CUX1: variants seen among roughly 807,000 people sequenced by gnomAD.
The protein encoded by CUX1 is protein CASP.
Under a neutral mutation model 158.8 loss-of-function variants are expected in CUX1, and 31 were observed. That is an observed-to-expected ratio of 0.20 (90% CI 0.15 to 0.26). The LOEUF (loss-of-function observed/expected upper bound fraction) is 0.26, where lower values mean the gene tolerates loss of function less well. Ranked by LOEUF, CUX1 falls within the 10% of genes least tolerant of loss-of-function variation. The pLI, the probability that CUX1 is intolerant of heterozygous loss-of-function variation, is 1.00. For synonymous variants in CUX1, 879 were observed against 862.1 expected, an observed-to-expected ratio of 1.02 and a Z score of -0.34; for missense variants, 1,589 against 2,014.6, an observed-to-expected ratio of 0.79 and a Z score of 4.04.
chr7:102,257,709 C>A lies in CUX1; in HGVS notation c.*8667C>A. The A allele has an allele frequency of 1.0e-6, 1 of 985,246 alleles. No individual in the cohort carries two copies. The highest frequency in any genetic ancestry group is 1.2e-6 in the Non-Finnish European group (1 of 829,846). 61.0% of individuals were successfully genotyped at this position (985,246 alleles called of 1,614,324 possible). On this transcript the variant is annotated 3_prime_UTR_variant, in exon 24 of 24. Coordinates refer to ENST00000292535, the MANE Select transcript of CUX1 (RefSeq NM_181552.4). ...AAACTCTCTATAAGCTCAGCTCCCC[C>A]CACCCCACCCCCACTCTAGCGTTTT...
At position 102,084,623 on chromosome 7, in the gene CUX1, G is replaced by T. The variant is rs532140572; in HGVS notation, c.269-12741G>T. On this transcript the variant is annotated intron_variant, in intron 4 of 23. Transcript: ENST00000292535. ...GATTTTTAGTGGAGACGGGGTTTCA[G>T]CATCTTGGCCAGGCTGGTCTTGAAC... 8.1e-4 allele frequency among the ~76,000 whole-genome samples: 117 copies of T among 143,718 alleles called. 13 individuals carry two copies. Among genetic ancestry groups the T allele is most frequent in the African/African-American group, 1.3e-3 (53 of 40,728 alleles). The allele number at this position is 143,718 out of a possible 152,430, so 94.3% of individuals were successfully genotyped here. A position where few individuals can be genotyped will look rare whatever the true frequency, so the allele number is the denominator to read the frequency against.
At chr7:101,897,257 C>T (rs1054554637) in intron 1 of CUX1, among the ~76,000 whole-genome samples, 12 of 152,198 alleles carry the variant, frequency 7.9e-5, no homozygotes, top group Admixed American at 5.9e-4. Flanking sequence ...TTGACATCCT[C>T]GAAGGCTCAG....
At chr7:102,068,101 GTTTAA>G (rs1825747894) in intron 3 of CUX1, among the ~76,000 whole-genome samples, 1 of 151,410 alleles carries the variant, frequency 6.6e-6, no homozygotes, top group Non-Finnish European at 1.5e-5. Context: ...TGTTGTTGTT[GTTTAA>G]TTTGAGACAT....
chr7:102,041,029 C>A (rs1219355349), intron 3 of CUX1, among the ~76,000 whole-genome samples: 1 of 152,074 alleles, frequency 6.6e-6, no homozygotes, highest in South Asian at 2.1e-4. Flanking sequence ...TGGCTCATGC[C>A]TGTAATACCA....
chr7:102,275,324 G>C (rs1791530505), exon 17 of CUX1: 1 of 1,612,800 alleles, frequency 6.2e-7, no homozygotes. Context: ...CAGCCAGAGG[G>C]AGCGCTTCCG....
chr7:101,937,175 T>C (rs1264532650), intron 2 of CUX1, among the ~76,000 whole-genome samples: 1 of 152,184 alleles, frequency 6.6e-6, no homozygotes. Context: ...GGGGAGTGTG[T>C]GCTGCGTGGC....
chr7:102,121,565 C>G (rs555746265), intron 8 of CUX1, among the ~76,000 whole-genome samples: 24 of 152,244 alleles, frequency 1.6e-4, no homozygotes, highest in Non-Finnish European at 3.5e-4. Flanking sequence ...AGGCTGGTCT[C>G]GAACTCCCAG....
upstream of CUX1, chr7:101,817,047 G>T: frequency 3.0e-6 from 3 of 984,572 alleles, no homozygotes; most frequent in Non-Finnish European, 3.6e-6. The surrounding 1 kb of genome is among the most constrained non-coding windows in gnomAD (Gnocchi z 4.1). Context: ...CCCCGCGGGG[G>T]CTCTTTGGGG....
At chr7:102,053,927 T>C (rs1823833504) in intron 3 of CUX1, among the ~76,000 whole-genome samples, 1 of 150,742 alleles carries the variant, frequency 6.6e-6, no homozygotes, top group South Asian at 2.1e-4. Flanking sequence ...TGCCTCAGAC[T>C]CCTGAGTAGC....
chr7:102,108,000 T>C (rs564599690), intron 6 of CUX1, among the ~76,000 whole-genome samples: 11 of 152,208 alleles, frequency 7.2e-5, no homozygotes, highest in African/African-American at 2.2e-4. Flanking sequence ...CTTGACCCCG[T>C]TGATACGGAT....
chr7:102,275,267 G>C, exon 17 of CUX1: 1 of 1,610,054 alleles, frequency 6.2e-7, no homozygotes, highest in Non-Finnish European at 8.5e-7. Flanking sequence ...ACCAGCCAGC[G>C]GTGCCCTCCC....
intron 9 of CUX1, among the ~76,000 whole-genome samples, chr7:102,160,699 TACTG>T (rs2131592400): frequency 6.6e-6 from 1 of 152,086 alleles, no homozygotes; most frequent in African/African-American, 2.4e-5. Context: ...AAAAGACAAA[TACTG>T]AATGATTCCA....
intron 1 of CUX1, among the ~76,000 whole-genome samples, chr7:101,888,059 T>C (rs999029875): frequency 6.6e-6 from 1 of 151,988 alleles, no homozygotes; most frequent in Non-Finnish European, 1.5e-5. Flanking sequence ...TGAGGCCGGG[T>C]GTGGTGGCTC....
chr7:101,995,081 C>G (rs202156), intron 2 of CUX1, among the ~76,000 whole-genome samples: 3 of 151,854 alleles, frequency 2.0e-5, no homozygotes, highest in Non-Finnish European at 4.4e-5. Context: ...GGCAACAGAA[C>G]AAGACCCTGT....
At chr7:101,845,142 A>ATC (rs34863822) in intron 1 of CUX1, among the ~76,000 whole-genome samples, 12,264 of 149,986 alleles carry the variant, frequency 0.082, 967 homozygotes, top group East Asian at 0.45. Context: ...TCTGTTGTCC[A>ATC]TCTCTCTCTC....
intron 5 of CUX1, among the ~76,000 whole-genome samples, chr7:102,099,823 C>G (rs184854037): frequency 6.6e-6 from 1 of 152,184 alleles, no homozygotes; most frequent in Non-Finnish European, 1.5e-5. Context: ...TTGTCCTTCC[C>G]TTCTCCTTCT....
chr7:101,909,182 G>C (rs1803115197), intron 1 of CUX1, among the ~76,000 whole-genome samples: 1 of 151,372 alleles, frequency 6.6e-6, no homozygotes, highest in South Asian at 2.1e-4. Context: ...AGGATCTCTT[G>C]AGGCCAGGAG....
intron 3 of CUX1, among the ~76,000 whole-genome samples, chr7:102,058,254 A>G (rs773251577): frequency 9.9e-5 from 15 of 152,114 alleles, no homozygotes; most frequent in Non-Finnish European, 1.9e-4. Flanking sequence ...CTTCATTGCA[A>G]TATTTGCTCT....
chr7:102,003,240 C>CG (rs1223586455), intron 2 of CUX1, among the ~76,000 whole-genome samples: 1 of 149,272 alleles, frequency 6.7e-6, no homozygotes, highest in Non-Finnish European at 1.5e-5. Context: ...CCACAAGGGG[C>CG]GGGGGTCTCT....
Sources: gnomAD v4.1 joint callset for allele counts (sites outside exome capture counted in the v4.1 genomes callset) on GRCh38, gnomAD v4.1.1 for gene constraint, Gnocchi (gnomAD v3.1) non-coding constraint, MANE v1.5 for transcripts, NCBI Gene and HGNC (gene_info 2026-07-23, HGNC 2026-07-21) for gene names.